GRIA2: variants seen among roughly 807,000 people sequenced by gnomAD.
GRIA2 encodes the protein glutamate ionotropic receptor AMPA type subunit 2.
A neutral mutation model predicts 97.3 loss-of-function variants in GRIA2; 14 were observed. The ratio of observed to expected loss-of-function variants is 0.14; its 90% CI spans 0.10 to 0.23. The LOEUF (loss-of-function observed/expected upper bound fraction) is 0.23, where lower values mean the gene tolerates loss of function less well. Among genes scored for constraint, GRIA2 ranks in the 10% least tolerant of loss-of-function variants. The pLI is 1.00. For missense variants in GRIA2, 558 were observed against 1,069.8 expected, an observed-to-expected ratio of 0.52 and a Z score of 6.67; for synonymous variants, 412 against 387.8, an observed-to-expected ratio of 1.06 and a Z score of -0.73.
At chr4:157,248,672 C>T (rs1433065243) in intron 2 of GRIA2, among the ~76,000 whole-genome samples, 13 of 109,632 alleles carry the variant, frequency 1.2e-4, no homozygotes, top group Admixed American at 6.6e-4. Context: ...TATTTATGCA[C>T]GTGTCTATAT....
intron 9 of GRIA2, chr4:157,334,684 A>C (rs1024285854): frequency 6.6e-6 from 1 of 152,170 alleles, no homozygotes; most frequent in African/African-American, 2.4e-5. Flanking sequence ...AGAGATGTGG[A>C]TCAGCATGAC....
chr4:157,282,656 G>A (rs1031766573), intron 2 of GRIA2, among the ~76,000 whole-genome samples: 1 of 151,966 alleles, frequency 6.6e-6, no homozygotes, highest in Non-Finnish European at 1.5e-5. Context: ...GTGCCAGTTT[G>A]GTAGTACTAA....
chr4:157,239,063 A>C (rs1271944559), intron 2 of GRIA2, among the ~76,000 whole-genome samples: 4 of 152,126 alleles, frequency 2.6e-5, no homozygotes, highest in African/African-American at 9.7e-5. Flanking sequence ...TGACAGAGGA[A>C]GATGGGACTA....
chr4:157,342,821 A>T (rs1400777681), intron 12 of GRIA2, among the ~76,000 whole-genome samples: 1 of 151,950 alleles, frequency 6.6e-6, no homozygotes, highest in East Asian at 1.9e-4. Flanking sequence ...AAATAATCTT[A>T]ATTATTTTCA....
intron 11 of GRIA2, 89 bp downstream of exon 11, chr4:157,336,836 A>G: frequency 8.2e-7 from 1 of 1,219,076 alleles, no homozygotes; most frequent in Non-Finnish European, 1.2e-6. Context: ...AGAAGTTACC[A>G]GCTGCCGACT....
At chr4:157,305,614 T>G (rs1397787412) in intron 3 of GRIA2, among the ~76,000 whole-genome samples, 1 of 152,124 alleles carries the variant, frequency 6.6e-6, no homozygotes, top group Non-Finnish European at 1.5e-5. Context: ...TTCTTTCACT[T>G]TCTCAGATGC....
At chr4:157,232,405 G>A (rs536642837) in intron 2 of GRIA2, among the ~76,000 whole-genome samples, 110 of 152,208 alleles carry the variant, frequency 7.2e-4, no homozygotes, top group Non-Finnish European at 1.3e-3. Flanking sequence ...ATCTTTATTC[G>A]TGTGTTATCT....
At position 157,293,472 on chromosome 4, in the gene GRIA2, AT is replaced by A. The variant is rs1733196946; in HGVS notation, c.230-10079del. Among the ~76,000 whole-genome samples the A allele has an allele frequency of 4.6e-5, 7 of 152,176 alleles. No individual in the cohort carries two copies. The South Asian group carries it at 1.4e-3, about 32-fold the overall frequency. ...TTCTGTGGTGTCCTTAATCAAAAACATAACAAAACCAGAAACGCACAAACAA... is the reference window on the plus strand; with the variant it reads ...TTCTGTGGTGTCCTTAATCAAAAACAAACAAAACCAGAAACGCACAAACAA... On this transcript the variant is annotated intron_variant, in intron 2 of 15. Coordinates refer to ENST00000264426, the MANE Select transcript of GRIA2 (RefSeq NM_001083619.3).
intron 2 of GRIA2, among the ~76,000 whole-genome samples, chr4:157,243,054 CT>C (rs1730575754): frequency 1.3e-5 from 2 of 152,084 alleles, no homozygotes; most frequent in African/African-American, 4.8e-5. Flanking sequence ...CAAAAGGACA[CT>C]TGTTTACAGT....
rs1298622332 is a variant in GRIA2 at position 157,363,538 on chromosome 4, A to C, written c.*107A>C. 4 of 1,237,408 alleles carry C rather than the reference A, an allele frequency of 3.2e-6. No homozygotes were observed. Among genetic ancestry groups the C allele is most frequent in the Non-Finnish European group, 4.0e-6 (4 of 989,752 alleles). The allele number at this position is 1,237,408 out of a possible 1,614,324, so 76.7% of individuals were successfully genotyped here. ...ACTCCAGAATTTCCCAAAGCAGTGCATGCTGTCCCTTACGTGAGTCCTGGC... is the reference window on the plus strand; with the variant it reads ...ACTCCAGAATTTCCCAAAGCAGTGCCTGCTGTCCCTTACGTGAGTCCTGGC... On this transcript the variant is annotated 3_prime_UTR_variant, in exon 16 of 16. Transcript: ENST00000264426.
intron 14 of GRIA2, chr4:157,362,466 A>G (rs2127003721): frequency 2.1e-6 from 1 of 476,638 alleles, no homozygotes; most frequent in South Asian, 1.5e-5. Context: ...ACTGTCTTGT[A>G]CCTTCAATTT....
chr4:157,272,315 C>A (rs1329450365), intron 2 of GRIA2, among the ~76,000 whole-genome samples: 1 of 152,152 alleles, frequency 6.6e-6, no homozygotes, highest in Middle Eastern at 3.4e-3. Context: ...AAAATCAACA[C>A]CTTTTCTTGA....
intron 11 of GRIA2, among the ~76,000 whole-genome samples, chr4:157,339,392 A>G (rs1735449456): frequency 6.6e-6 from 1 of 151,942 alleles, no homozygotes; most frequent in Non-Finnish European, 1.5e-5. Flanking sequence ...ATAATATTGA[A>G]TTTCCTTCTC....
At chr4:157,230,459 G>A (rs1373720239) in intron 2 of GRIA2, among the ~76,000 whole-genome samples, 1 of 152,142 alleles carries the variant, frequency 6.6e-6, no homozygotes. Context: ...GGTGTACTTG[G>A]CAGGGCTGTA....
chr4:157,223,916 G>T (rs1279039346), intron 2 of GRIA2, among the ~76,000 whole-genome samples: 1 of 152,004 alleles, frequency 6.6e-6, no homozygotes, highest in Non-Finnish European at 1.5e-5. Context: ...CTGTGATTAG[G>T]TTATTAGGTT....
chr4:157,347,005 C>G (rs948136026), intron 12 of GRIA2, among the ~76,000 whole-genome samples: 2 of 152,122 alleles, frequency 1.3e-5, no homozygotes, highest in Admixed American at 1.3e-4. Context: ...TTCAGTAGAA[C>G]CCATGATCTC....
At chr4:157,308,608 G>A (rs185459202) in intron 3 of GRIA2, among the ~76,000 whole-genome samples, 1 of 152,288 alleles carries the variant, frequency 6.6e-6, no homozygotes, top group East Asian at 1.9e-4. Context: ...ATATCCTAAT[G>A]TAGTACTATG....
intron 2 of GRIA2, among the ~76,000 whole-genome samples, chr4:157,288,497 C>A (rs1176174971): frequency 6.6e-6 from 1 of 151,682 alleles, no homozygotes; most frequent in African/African-American, 2.4e-5. Flanking sequence ...AAATGTTAAG[C>A]TAATTATCTA....
intron 2 of GRIA2, among the ~76,000 whole-genome samples, chr4:157,277,542 A>G (rs1732380422): frequency 6.6e-6 from 1 of 151,746 alleles, no homozygotes; most frequent in African/African-American, 2.4e-5. Context: ...GTAATAATAC[A>G]AGAAATGGAA....
Sources: allele counts gnomAD v4.1 joint callset (sites outside exome capture counted in the v4.1 genomes callset), GRCh38; gene constraint gnomAD v4.1.1; transcripts MANE v1.5; gene names NCBI Gene and HGNC (gene_info 2026-07-23, HGNC 2026-07-21).